The following KIF18A variants were observed in gnomAD, a reference collection of about 807,000 sequenced individuals.
KIF18A encodes kinesin family member 18A.
In KIF18A, 67 loss-of-function variants were observed where a neutral mutation model predicts 103.3. The observed-to-expected ratio is 0.65, with a 90% CI of 0.53 to 0.79. The LOEUF is 0.79. Ranked by LOEUF, KIF18A falls within the 30% of genes least tolerant of loss-of-function variation. The pLI is 0.00. For missense variants in KIF18A, 1,032 were observed against 1,062.5 expected, an observed-to-expected ratio of 0.97 and a Z score of 0.40; for synonymous variants, 367 against 355.5, an observed-to-expected ratio of 1.03 and a Z score of -0.36.
chr11:28,096,907 C>A (rs1851383213), intron 2 of KIF18A, among the ~76,000 whole-genome samples: 1 of 148,558 alleles, frequency 6.7e-6, no homozygotes, highest in East Asian at 2.0e-4. Context: ...AAAAGGAAAT[C>A]AACATGGCTT....
intron 15 of KIF18A, among the ~76,000 whole-genome samples, chr11:28,028,629 A>G (rs1157562422): frequency 6.6e-6 from 1 of 152,158 alleles, no homozygotes; most frequent in Admixed American, 6.6e-5. Context: ...CTAGAGAAGC[A>G]AGAGCAAACA....
intron 15 of KIF18A, among the ~76,000 whole-genome samples, chr11:28,030,487 G>C (rs1850382085): frequency 6.6e-6 from 1 of 152,070 alleles, no homozygotes; most frequent in Non-Finnish European, 1.5e-5. Flanking sequence ...TATGTAGAAA[G>C]CTGAAACTGG....
intron 7 of KIF18A, 37 bp from the exon 8 acceptor site, chr11:28,083,280 G>A: frequency 1.3e-6 from 2 of 1,517,998 alleles, no homozygotes; most frequent in Non-Finnish European, 1.8e-6. Flanking sequence ...TTTATAGAGA[G>A]ATAATAATCA....
At position 28,036,546 on chromosome 11, in the gene KIF18A, A is replaced by G. The variant is rs757370775; in HGVS notation, c.2067T>C (p.Ser689=). 3 of 1,611,162 alleles carry G rather than the reference A, an allele frequency of 1.9e-6. No homozygotes were observed. The highest frequency in any genetic ancestry group is 2.5e-6 in the Non-Finnish European group (3 of 1,178,188). Residue 689 remains serine (S), a synonymous_variant, in exon 14 of 17, where the codon AGT becomes AGC. Transcript: ENST00000263181. ...QHTLKSPPSQ[S]VQLNDSLSKE... is the part of the protein sequence containing the mutation. ...TGCTAAGAGAATCATTGAGCTGCAC[A>G]CTTTGAGATGGTGGAGACTTTAGAG...
intron 1 of KIF18A, among the ~76,000 whole-genome samples, chr11:28,106,830 G>A (rs1289202032): frequency 6.6e-6 from 1 of 152,028 alleles, no homozygotes; most frequent in African/African-American, 2.4e-5. Context: ...AATTAGCCGA[G>A]TGTGGTGGCA....
chr11:28,099,313 A>G (rs1851417285), intron 1 of KIF18A, among the ~76,000 whole-genome samples: 1 of 152,114 alleles, frequency 6.6e-6, no homozygotes, highest in Admixed American at 6.6e-5. Context: ...AGTAATGGTT[A>G]CCAGAGGCTG....
chr11:28,061,738 T>G lies in KIF18A; in HGVS notation c.1712+657A>C, dbSNP rs535135189. On this transcript the variant is annotated intron_variant, in intron 12 of 16. Transcript: ENST00000263181. ...TTTGAGCATACCAGTAGAACATGAA[T>G]AGATTCTTAGAGTAGCAGAAAGCAC... Among the ~76,000 whole-genome samples the G allele has an allele frequency of 2.6e-5, 4 of 152,218 alleles. 1 individual carries two copies. The South Asian group carries it at 8.3e-4, about 32-fold the overall frequency.
intron 13 of KIF18A, among the ~76,000 whole-genome samples, chr11:28,045,028 G>C (rs571601606): frequency 1.3e-5 from 2 of 151,984 alleles, no homozygotes; most frequent in Non-Finnish European, 2.9e-5. Context: ...AGTAAACAAA[G>C]TTTGGATATT....
chr11:28,091,145 AATAAATACATAC>A (rs1262283617), intron 4 of KIF18A, among the ~76,000 whole-genome samples: 118 of 101,428 alleles, frequency 1.2e-3, no homozygotes, highest in African/African-American at 1.2e-3. Flanking sequence ...TAAATAAATA[AATAAATACATAC>A]ATACATACAT....
chr11:28,102,827 C>T (rs1466928321), intron 1 of KIF18A, among the ~76,000 whole-genome samples: 2 of 152,078 alleles, frequency 1.3e-5, no homozygotes, highest in Non-Finnish European at 2.9e-5. Context: ...TTAATGAGAT[C>T]GTTCCTACAT....
chr11:28,030,839 AAAAC>A (rs1160301827), intron 15 of KIF18A, among the ~76,000 whole-genome samples: 2 of 150,322 alleles, frequency 1.3e-5, no homozygotes, highest in Non-Finnish European at 3.0e-5. Context: ...TTACAAGAAA[AAAAC>A]AAACAACCCC....
intron 1 of KIF18A, among the ~76,000 whole-genome samples, chr11:28,100,563 G>C (rs930231176): frequency 2.4e-4 from 36 of 150,684 alleles, no homozygotes; most frequent in African/African-American, 8.3e-4. Flanking sequence ...GTGAGTGAAG[G>C]GGGGGGGTGG....
In KIF18A at chr11:28,021,050, T is replaced by C; in HGVS notation, c.*150A>G. 1 of 634,658 alleles carries C rather than the reference T, an allele frequency of 1.6e-6. No homozygotes were observed. Among genetic ancestry groups the C allele is most frequent in the Non-Finnish European group, 2.2e-6 (1 of 454,526 alleles). 39.3% of individuals were successfully genotyped at this position (634,658 alleles called of 1,614,324 possible). On this transcript the variant is annotated 3_prime_UTR_variant, in exon 17 of 17. Coordinates refer to ENST00000263181, the MANE Select transcript of KIF18A (RefSeq NM_031217.4). ...GAACACAAAAGAAGAAAACAAAGAGTTTCATTTTTCTGCTTGCTGAAAGTA... is the reference window on the plus strand; with the variant it reads ...GAACACAAAAGAAGAAAACAAAGAGCTTCATTTTTCTGCTTGCTGAAAGTA...
At chr11:28,069,930 C>T (rs1056579250) in intron 10 of KIF18A, among the ~76,000 whole-genome samples, 1 of 152,146 alleles carries the variant, frequency 6.6e-6, no homozygotes, top group African/African-American at 2.4e-5. Flanking sequence ...TTATCAGTAT[C>T]TGATCTTGCC....
At chr11:28,050,147 T>C (rs908035812) in intron 13 of KIF18A, among the ~76,000 whole-genome samples, 6 of 151,822 alleles carry the variant, frequency 4.0e-5, no homozygotes, top group Admixed American at 1.3e-4. Context: ...ATAGCAGATA[T>C]CATGTTTCTC....
intron 6 of KIF18A, among the ~76,000 whole-genome samples, chr11:28,087,569 G>A (rs1335536738): frequency 6.6e-6 from 1 of 152,102 alleles, no homozygotes; most frequent in Non-Finnish European, 1.5e-5. Context: ...TGTCTTTCTA[G>A]TAATGATTTA....
intron 12 of KIF18A, among the ~76,000 whole-genome samples, chr11:28,059,847 G>A (rs1350566293): frequency 6.6e-6 from 1 of 151,998 alleles, no homozygotes; most frequent in East Asian, 1.9e-4. Context: ...AATATACTAT[G>A]TGAAATGATG....
In KIF18A at chr11:28,091,483, C is replaced by T; in HGVS notation, c.514G>A (p.Val172Ile). The T allele has an allele frequency of 6.2e-7, 1 of 1,609,056 alleles. No individual in the cohort carries two copies. The highest frequency in any genetic ancestry group is 1.1e-5 in the South Asian group (1 of 90,832). Reference protein sequence around the residue: ...VYNEQIRDLLVNSGPLAVRED... With the variant: ...VYNEQIRDLLINSGPLAVRED... ...CGGACAGCAAGTGGCCCTGAATTTA[C>T]TAAGAGATCACGAATCTGTTCATTA... The change falls in exon 4 of 17, where the codon GTA becomes ATA. Residue 172 changes from valine (V) to isoleucine (I), a missense_variant. Val to Ile is a conservative substitution (Grantham distance 29, BLOSUM62 3). Coordinates refer to ENST00000263181, the MANE Select transcript of KIF18A (RefSeq NM_031217.4).
At chr11:28,048,820 G>A (rs1850673282) in intron 13 of KIF18A, among the ~76,000 whole-genome samples, 1 of 152,072 alleles carries the variant, frequency 6.6e-6, no homozygotes, top group African/African-American at 2.4e-5. Context: ...CTCTCATTGT[G>A]GAGAAAGATT....
Sources: allele counts gnomAD v4.1 joint callset (sites outside exome capture counted in the v4.1 genomes callset), GRCh38; gene constraint gnomAD v4.1.1; transcripts MANE v1.5; gene names NCBI Gene and HGNC (gene_info 2026-07-23, HGNC 2026-07-21).